The following PAX3 variants were observed in gnomAD, a reference collection of about 807,000 sequenced individuals.
The protein encoded by PAX3 is paired box 3.
Under a neutral mutation model 51.6 loss-of-function variants are expected in PAX3, and 14 were observed. The ratio of observed to expected loss-of-function variants is 0.27; its 90% confidence interval spans 0.18 to 0.42. The LOEUF (loss-of-function observed/expected upper bound fraction) is 0.42, where lower values mean the gene tolerates loss of function less well. PAX3 is among the 10% of genes least tolerant of loss of function. The pLI, the probability that PAX3 is intolerant of heterozygous loss-of-function variation, is 1.00. For missense variants in PAX3, 540 were observed against 642.8 expected, an observed-to-expected ratio of 0.84 and a Z score of 1.73; for synonymous variants, 280 against 253.4, an observed-to-expected ratio of 1.11 and a Z score of -1.00.
intron 4 of PAX3, among the ~76,000 whole-genome samples, chr2:222,282,544 A>T (rs554735290): frequency 1.3e-5 from 2 of 152,330 alleles, no homozygotes; most frequent in Non-Finnish European, 2.9e-5. Context: ...TTTCTTATAC[A>T]TAAACCACTC....
intron 4 of PAX3, 89 bp from the exon 5 acceptor site, chr2:222,232,372 A>ACAC: frequency 2.7e-6 from 3 of 1,117,666 alleles, no homozygotes; most frequent in Non-Finnish European, 4.0e-6. Context: ...CGACTGCAAG[A>ACAC]CACCATTACA....
At chr2:222,217,991 G>C (rs1194544906) in intron 7 of PAX3, among the ~76,000 whole-genome samples, 1 of 152,122 alleles carries the variant, frequency 6.6e-6, no homozygotes, top group Non-Finnish European at 1.5e-5. Context: ...GAGGAAATAA[G>C]GAGGAATTTC....
chr2:222,221,909 T>A (rs1225245082), intron 5 of PAX3, among the ~76,000 whole-genome samples: 1 of 152,002 alleles, frequency 6.6e-6, no homozygotes, highest in Non-Finnish European at 1.5e-5. Context: ...TGGAGCCCTT[T>A]TTTCATCTCT....
chr2:222,246,131 G>T (rs1405302778), intron 4 of PAX3, among the ~76,000 whole-genome samples: 1 of 152,132 alleles, frequency 6.6e-6, no homozygotes, highest in Non-Finnish European at 1.5e-5. Flanking sequence ...TCTGAGTTAG[G>T]AAAGCCTGCT....
intron 5 of PAX3, among the ~76,000 whole-genome samples, chr2:222,223,984 C>T (rs1692293232): frequency 6.6e-6 from 1 of 152,086 alleles, no homozygotes; most frequent in Non-Finnish European, 1.5e-5. Context: ...CACCATAACC[C>T]AATTTTTAAA....
At chr2:222,257,717 A>G (rs45511000) in intron 4 of PAX3, among the ~76,000 whole-genome samples, 17,469 of 152,306 alleles carry the variant, frequency 0.11, 1,243 homozygotes, top group East Asian at 0.32. Context: ...GATAAAGACT[A>G]GAGGGCCCTT....
chr2:222,280,585 A>G (rs576648147), intron 4 of PAX3, among the ~76,000 whole-genome samples: 54 of 152,232 alleles, frequency 3.5e-4, no homozygotes, highest in African/African-American at 1.3e-3. Flanking sequence ...TTTACTGACA[A>G]CTCATTGAGC....
chr2:222,233,122 T>C (rs2106096942), intron 4 of PAX3: 1 of 145,664 alleles, frequency 6.9e-6, no homozygotes, highest in Admixed American at 6.8e-5. Flanking sequence ...TGATCCCTTT[T>C]GTAAAAAAAT....
intron 4 of PAX3, among the ~76,000 whole-genome samples, chr2:222,261,434 G>A (rs185878972): frequency 6.6e-6 from 1 of 152,090 alleles, no homozygotes; most frequent in Non-Finnish European, 1.5e-5. Context: ...ATGTCAATTT[G>A]TATGGAACAT....
At chr2:222,231,814 C>T (rs1360148038) in intron 5 of PAX3, among the ~76,000 whole-genome samples, 2 of 152,178 alleles carry the variant, frequency 1.3e-5, no homozygotes, top group African/African-American at 4.8e-5. Context: ...TTGTGTATCA[C>T]CCCCAAAGTC....
chr2:222,231,018 T>C (rs914076093), intron 5 of PAX3, among the ~76,000 whole-genome samples: 7 of 152,222 alleles, frequency 4.6e-5, no homozygotes, highest in African/African-American at 1.7e-4. Flanking sequence ...TCTTAATTGA[T>C]CTTAGCATTC....
In PAX3 at chr2:222,295,599, C is replaced by T. The variant is rs1337651455; in HGVS notation, c.380G>A (p.Gly127Asp). The stretch of plus-strand genomic sequence containing the variant: ...GTCTCGGATTTCCCAGCTGAACATG[C>T]CCGGGTTCTCTCTTTTGTATTCCTC... The part of the protein sequence containing the change: ...KIEEYKRENP[G>D]MFSWEIRDKL... Residue 127 changes from glycine (G) to aspartate (D), a missense_variant, in exon 3 of 9, where the codon GGC becomes GAC. By Grantham distance (94) the Gly-to-Asp change is moderately conservative. This residue lies in a region of PAX3 where 427 missense variants were observed against 483.6 expected (regional missense o/e 0.88). Coordinates refer to ENST00000392070, the MANE Select transcript of PAX3 (RefSeq NM_181458.4). 2 of 1,614,192 alleles carry T rather than the reference C, an allele frequency of 1.2e-6. No individual in the cohort carries two copies. Among genetic ancestry groups the T allele is most frequent in the Non-Finnish European group, 1.7e-6 (2 of 1,180,014 alleles).
chr2:222,253,675 A>G (rs1256978261), intron 4 of PAX3, among the ~76,000 whole-genome samples: 1 of 151,912 alleles, frequency 6.6e-6, no homozygotes, highest in African/African-American at 2.4e-5. Context: ...TAGAGACAGA[A>G]GAAAAGAGCC....
At chr2:222,227,751 G>A (rs1376832246) in intron 5 of PAX3, among the ~76,000 whole-genome samples, 2 of 151,002 alleles carry the variant, frequency 1.3e-5, no homozygotes, top group Non-Finnish European at 2.9e-5. Flanking sequence ...AAACCTTGTA[G>A]TGTTATTATT....
intron 4 of PAX3, among the ~76,000 whole-genome samples, chr2:222,287,840 G>T (rs1694885430): frequency 6.6e-6 from 1 of 152,160 alleles, no homozygotes; most frequent in South Asian, 2.1e-4. Context: ...GATTCATCTT[G>T]CTCAAGAGTG....
At chr2:222,237,247 A>G (rs925232892) in intron 4 of PAX3, among the ~76,000 whole-genome samples, 1 of 151,906 alleles carries the variant, frequency 6.6e-6, no homozygotes, top group African/African-American at 2.4e-5. Flanking sequence ...ACCCAGATCT[A>G]TGGGACTTCA....
At chr2:222,295,900 G>C (rs1044032506) in intron 2 of PAX3, among the ~76,000 whole-genome samples, 1 of 152,178 alleles carries the variant, frequency 6.6e-6, no homozygotes, top group African/African-American at 2.4e-5. Context: ...CCAGACAACC[G>C]GGATAAATTC....
Position 222,281,550 on chromosome 2 carries a change from C to T in PAX3, c.586+12617G>A, listed in dbSNP as rs371083333. On this transcript the variant is annotated intron_variant, in intron 4 of 8. Coordinates refer to ENST00000392070, the MANE Select transcript of PAX3 (RefSeq NM_181458.4). Reference sequence around the variant, plus strand: ...CTGATGATCTGTCAGTAACCTAAAGCTTGGCCACTATGGGCCTAGAAGCAA... The same window carrying T: ...CTGATGATCTGTCAGTAACCTAAAGTTTGGCCACTATGGGCCTAGAAGCAA... 6.2e-4 allele frequency among the ~76,000 whole-genome samples: 94 copies of T among 152,358 alleles called. 1 individual carries two copies. The South Asian group carries it at 0.01, about 17-fold the overall frequency.
chr2:222,287,424 C>A (rs539128355), intron 4 of PAX3: 2 of 152,330 alleles, frequency 1.3e-5, no homozygotes, highest in South Asian at 4.1e-4. Context: ...AATTCCCCAA[C>A]TAAAGGCAGC....
Sources: allele counts gnomAD v4.1 joint callset (sites outside exome capture counted in the v4.1 genomes callset), GRCh38; gene constraint gnomAD v4.1.1; regional missense constraint gnomAD v4.1.1; transcripts MANE v1.5; gene names NCBI Gene and HGNC (gene_info 2026-07-23, HGNC 2026-07-21).